Variants in WDR62 observed in about 807,000 individuals in gnomAD.
WDR62 encodes WD repeat domain 62, also known as WD repeat-containing protein 62.
WDR62 carries 112 observed loss-of-function variants against 160.6 expected under a neutral mutation model. That is an observed-to-expected ratio of 0.70 (90% CI 0.60 to 0.82). WDR62 has a LOEUF of 0.82. Among genes scored for constraint, WDR62 ranks in the 40% least tolerant of loss-of-function variants. WDR62 has a pLI of 0.00. For synonymous variants in WDR62, 792 were observed against 815.1 expected (o/e 0.97, Z 0.48); for missense variants, 1,819 against 1,983.8 (o/e 0.92, Z 1.58).
chr19:36,100,658 C>T (rs1287177490), intron 22 of WDR62, 90 bp from the exon 23 acceptor site: 4 of 1,590,256 alleles, frequency 2.5e-6, no homozygotes, highest in Admixed American at 1.7e-5. Context: ...TCACAGCCTC[C>T]AGCAGTGGGG....
chr19:36,082,056 G>T, intron 10 of WDR62: 1 of 357,444 alleles, frequency 2.8e-6, no homozygotes, highest in South Asian at 2.1e-5. Flanking sequence ...GCGTCTCTGG[G>T]GAGCTGAGAC....
chr19:36,083,280 G>T, intron 11 of WDR62, 39 bp downstream of exon 11: 1 of 1,561,456 alleles, frequency 6.4e-7, no homozygotes. Context: ...ACACCTCCCA[G>T]CTCCAGCTCA....
chr19:36,079,167 A>T (rs1294411041), intron 9 of WDR62, among the ~76,000 whole-genome samples: 1 of 152,106 alleles, frequency 6.6e-6, no homozygotes, highest in Non-Finnish European at 1.5e-5. Context: ...CTGAAGCCTC[A>T]ACCTCATAGG....
chr19:36,065,946 C>T lies in WDR62; in HGVS notation c.333-12C>T. ...AGCGGAACCAGTGATCAGCTCTTTT[C>T]TTTATCCCCAGGAAGTCTCTCAGTG... On this transcript the variant is annotated splice_polypyrimidine_tract_variant and intron_variant, in intron 3 of 31. Transcript: ENST00000401500. The T allele has an allele frequency of 6.2e-7, 1 of 1,614,132 alleles. No individual in the cohort carries two copies. The highest frequency in any genetic ancestry group is 8.5e-7 in the Non-Finnish European group (1 of 1,179,982).
intron 9 of WDR62, among the ~76,000 whole-genome samples, chr19:36,079,956 C>G (rs1461458949): frequency 2.0e-5 from 3 of 152,136 alleles, no homozygotes; most frequent in Non-Finnish European, 4.4e-5. Flanking sequence ...CTATCATCTT[C>G]CCAGTTCTCA....
chr19:36,108,472 A>G (rs1206062559), downstream of WDR62, among the ~76,000 whole-genome samples: 1 of 150,450 alleles, frequency 6.6e-6, no homozygotes, highest in Non-Finnish European at 1.5e-5. Context: ...TCAGGGCTGC[A>G]GGAAAGCCAA....
chr19:36,097,694 AGCAATATAGTGAG>A (rs2145833546), intron 21 of WDR62, among the ~76,000 whole-genome samples: 1 of 152,168 alleles, frequency 6.6e-6, no homozygotes, highest in South Asian at 2.1e-4. Context: ...GACCAGCCTG[AGCAATATAGTGAG>A]ACCCCATCTC....
chr19:36,064,647 G>T (rs1288178533), intron 3 of WDR62, among the ~76,000 whole-genome samples: 1 of 151,762 alleles, frequency 6.6e-6, no homozygotes. Context: ...GCACGATCTT[G>T]GCTTGCTGCA....
intron 15 of WDR62, among the ~76,000 whole-genome samples, chr19:36,089,778 A>G (rs1972477926): frequency 6.6e-6 from 1 of 152,170 alleles, no homozygotes; most frequent in South Asian, 2.1e-4. Context: ...GGGCTCTCCC[A>G]AGCCTGGCCT....
chr19:36,103,075 G>GT lies in WDR62; in HGVS notation c.3462+2dup. The stretch of plus-strand genomic sequence containing the variant: ...CTACGCCTCCCCAGACAGGACCCAC[G>GT]TGAGTATTGGGCCCACCTCCGTCAG... On this transcript the variant is annotated splice_donor_variant, in intron 28 of 31. Transcript: ENST00000401500. LOFTEE classifies it high-confidence loss of function. The GT allele has an allele frequency of 6.2e-7, 1 of 1,614,028 alleles. No individual in the cohort carries two copies. The highest frequency in any genetic ancestry group is 2.2e-5 in the East Asian group (1 of 44,882).
intron 23 of WDR62, 114 bp from the exon 24 acceptor site, chr19:36,101,100 C>T (rs1369702129): frequency 1.9e-5 from 23 of 1,188,800 alleles, no homozygotes; most frequent in African/African-American, 3.0e-5. Context: ...GGGAGGCTGT[C>T]GCAGTGCTCC....
intron 9 of WDR62, among the ~76,000 whole-genome samples, chr19:36,078,085 G>C (rs115883512): frequency 0.02 from 3,056 of 151,910 alleles, 100 homozygotes; most frequent in African/African-American, 0.071. Context: ...ACGGCCACTT[G>C]GGTTTTTTTC....
At chr19:36,055,272 G>A in intron 1 of WDR62, 124 bp downstream of exon 1, 3 of 1,060,594 alleles carry the variant, frequency 2.8e-6, no homozygotes, top group Non-Finnish European at 4.1e-6. Context: ...TCCCTGCCAT[G>A]CCTCGTCCCC....
At position 36,101,955 on chromosome 19, in the gene WDR62, G is replaced by A. The variant is rs960992719; in HGVS notation, c.3083-59G>A. 4.3e-6 allele frequency: 7 copies of A among 1,611,856 alleles called. No homozygotes were observed. In the African/African-American group the frequency reaches 9.3e-5, roughly 22 times the overall value. On this transcript the variant is annotated intron_variant, in intron 25 of 31. Coordinates refer to ENST00000401500, the MANE Select transcript of WDR62 (RefSeq NM_001083961.2). ...GGGGCCCGCTTTCTCCATTTCAGGT[G>A]GCGTCTGCTGTGACTCATGGTGTTG...
At chr19:36,071,452 T>G in intron 7 of WDR62, 104 bp from the exon 8 acceptor site, 3 of 1,354,906 alleles carry the variant, frequency 2.2e-6, no homozygotes, top group South Asian at 2.3e-5. Context: ...CCCAAGGAAC[T>G]GTAAGTCTTC....
Position 36,067,809 on chromosome 19 carries a change from A to G in WDR62, c.700-19A>G, listed in dbSNP as rs1971022292. The G allele has an allele frequency of 1.9e-6, 3 of 1,613,220 alleles. No individual in the cohort carries two copies. The East Asian group carries it at 6.7e-5, about 36-fold the overall frequency. On this transcript the variant is annotated intron_variant, in intron 6 of 31. Transcript: ENST00000401500. ...CAGCTGTGTGGACAAGTATCTCACT[A>G]CGCCCTCTGTGTCTCCAGGTGACGA...
intron 31 of WDR62, 29 bp downstream of exon 31, chr19:36,104,704 G>T: frequency 1.2e-6 from 2 of 1,613,964 alleles, no homozygotes; most frequent in Non-Finnish European, 1.7e-6. Flanking sequence ...TTGGGAAAGG[G>T]TTGAGGGGTC....
downstream of WDR62, among the ~76,000 whole-genome samples, chr19:36,107,320 G>C (rs1338027797): frequency 6.6e-6 from 1 of 152,188 alleles, no homozygotes; most frequent in Non-Finnish European, 1.5e-5. Flanking sequence ...CTGCAGCCCT[G>C]ACTGAAGTGC....
Position 36,104,588 on chromosome 19 carries a change from C to T in WDR62, c.4224C>T (p.Pro1408=). The part of the protein sequence containing the change: ...SEPWVPVEAL[P]PSPLELSRVG... ...CCTGGGTGCCGGTTGAAGCCCTGCC[C>T]CCATCTCCCCTTGAGCTGAGCAGGG... Residue 1408 remains proline (P), a synonymous_variant, in exon 31 of 32, where the codon CCC becomes CCT. Coordinates refer to ENST00000401500, the MANE Select transcript of WDR62 (RefSeq NM_001083961.2). The T allele has an allele frequency of 1.2e-6, 2 of 1,613,852 alleles. No individual in the cohort carries two copies. The highest frequency in any genetic ancestry group is 1.7e-6 in the Non-Finnish European group (2 of 1,179,984).
Sources: gnomAD v4.1 joint callset for allele counts (sites outside exome capture counted in the v4.1 genomes callset) on GRCh38, gnomAD v4.1.1 for gene constraint, MANE v1.5 for transcripts, NCBI Gene and HGNC (gene_info 2026-07-23, HGNC 2026-07-21) for gene names.